SCN10A: variants seen among roughly 807,000 people sequenced by gnomAD.
SCN10A encodes the protein sodium voltage-gated channel alpha subunit 10.
Under a neutral mutation model 170.7 loss-of-function variants are expected in SCN10A, and 162 were observed. The ratio of observed to expected loss-of-function variants is 0.95; its 90% CI spans 0.84 to 1.08. The LOEUF (loss-of-function observed/expected upper bound fraction) is 1.08, where lower values mean the gene tolerates loss of function less well. Ranked by LOEUF, SCN10A falls within the 50% of genes least tolerant of loss-of-function variation. The probability of loss-of-function intolerance (pLI) is 0.00; values close to 1 mark genes in which losing one functional copy is unlikely to be tolerated. For missense variants in SCN10A, 2,527 were observed against 2,436.9 expected (o/e 1.04, Z -0.78); for synonymous variants, 985 against 904.6 (o/e 1.09, Z -1.59).
At chr3:38,756,990 G>A in intron 9 of SCN10A, 28 bp downstream of exon 9, 1 of 1,603,070 alleles carries the variant, frequency 6.2e-7, no homozygotes, top group Non-Finnish European at 8.5e-7. Context: ...CTCCAACCAA[G>A]TCTGCGTGGG....
intron 20 of SCN10A, among the ~76,000 whole-genome samples, chr3:38,719,499 T>C (rs2063367551): frequency 6.8e-6 from 1 of 147,976 alleles, no homozygotes; most frequent in Non-Finnish European, 1.5e-5. Context: ...GTTCACGCCA[T>C]TCTCCTGCCT....
chr3:38,711,502 C>G (rs1359580566), intron 23 of SCN10A, among the ~76,000 whole-genome samples: 2 of 152,160 alleles, frequency 1.3e-5, no homozygotes, highest in Admixed American at 6.5e-5. Flanking sequence ...GTGTCCAAGC[C>G]CAGTTCTGAC....
chr3:38,756,958 G>A lies in SCN10A; in HGVS notation c.1092+60C>T. On this transcript the variant is annotated intron_variant, in intron 9 of 27. Transcript: ENST00000449082. ...GTCAGCCTCCTCCAGGAAAAGCACA[G>A]CCATGCAGCTGACCCACCAGCCTCC... The A allele has an allele frequency of 3.1e-6, 5 of 1,605,334 alleles. No individual in the cohort carries two copies. In the South Asian group the frequency reaches 4.5e-5, roughly 14 times the overall value.
intron 20 of SCN10A, among the ~76,000 whole-genome samples, chr3:38,722,056 A>G (rs1310169729): frequency 3.9e-5 from 6 of 152,228 alleles, no homozygotes; most frequent in Non-Finnish European, 8.8e-5. Context: ...TTGGCAGGCC[A>G]TGGCACGGGC....
At chr3:38,800,687 T>C (rs2064365626) in intron 1 of SCN10A, among the ~76,000 whole-genome samples, 2 of 152,234 alleles carry the variant, frequency 1.3e-5, no homozygotes, top group South Asian at 2.1e-4. Context: ...CTGCCTTTTG[T>C]TGTCAGAATC....
intron 23 of SCN10A, 60 bp from the exon 24 acceptor site, chr3:38,710,957 C>A: frequency 6.9e-7 from 1 of 1,449,210 alleles, no homozygotes; most frequent in Non-Finnish European, 9.6e-7. Context: ...TGGACCCTTC[C>A]CAAGCCATGG....
chr3:38,775,319 G>A (rs1352261228), intron 4 of SCN10A, among the ~76,000 whole-genome samples: 1 of 152,058 alleles, frequency 6.6e-6, no homozygotes, highest in Non-Finnish European at 1.5e-5. Context: ...CCTACTAAAG[G>A]TGGAATCATG....
chr3:38,805,809 G>A lies in SCN10A; in HGVS notation c.-33+10228C>T, dbSNP rs185849413. Among the ~76,000 whole-genome samples the A allele has an allele frequency of 9.8e-4, 149 of 152,264 alleles. 1 individual carries two copies. Among genetic ancestry groups the A allele is most frequent in the African/African-American group, 3.4e-3 (143 of 41,548 alleles). ...TACCTTTGAAGTTGAATAATCCTGA[G>A]TTGCCTCTGATAACAAAGAATGGGG... On this transcript the variant is annotated intron_variant, in intron 1 of 27. Transcript: ENST00000449082.
At chr3:38,729,728 A>G (rs777599790) in intron 15 of SCN10A, among the ~76,000 whole-genome samples, 1 of 152,256 alleles carries the variant, frequency 6.6e-6, no homozygotes, top group Non-Finnish European at 1.5e-5. Context: ...AGGAAAAAAA[A>G]TCTGAGCTCA....
chr3:38,745,108 G>A (rs1314142249), intron 13 of SCN10A, among the ~76,000 whole-genome samples: 2 of 152,230 alleles, frequency 1.3e-5, no homozygotes, highest in Non-Finnish European at 2.9e-5. Flanking sequence ...TTGGCAGGAA[G>A]CAGCCACCTG....
chr3:38,759,699 T>A (rs1037729050), intron 8 of SCN10A, among the ~76,000 whole-genome samples: 2 of 152,236 alleles, frequency 1.3e-5, no homozygotes, highest in African/African-American at 4.8e-5. Context: ...GGAGATTTTA[T>A]ATAAAAATCT....
chr3:38,769,148 C>A (rs1487157178), intron 5 of SCN10A, among the ~76,000 whole-genome samples: 2 of 151,718 alleles, frequency 1.3e-5, no homozygotes, highest in Non-Finnish European at 2.9e-5. Flanking sequence ...AATTTTCCAT[C>A]CATATCTTGT....
intron 21 of SCN10A, among the ~76,000 whole-genome samples, chr3:38,718,189 G>T (rs1261609694): frequency 1.3e-5 from 2 of 152,192 alleles, no homozygotes; most frequent in Admixed American, 1.3e-4. Flanking sequence ...AGAATCTCTG[G>T]GGTAGTGGTG....
chr3:38,753,876 C>T (rs2063774750), intron 11 of SCN10A, among the ~76,000 whole-genome samples: 1 of 152,236 alleles, frequency 6.6e-6, no homozygotes, highest in Non-Finnish European at 1.5e-5. Context: ...AATTCATCCT[C>T]TAACGAGACC....
intron 1 of SCN10A, among the ~76,000 whole-genome samples, chr3:38,813,524 T>C (rs981875182): frequency 2.0e-5 from 3 of 152,186 alleles, no homozygotes; most frequent in African/African-American, 7.2e-5. Flanking sequence ...TCTTGTGACA[T>C]AGGTATTATT....
At chr3:38,712,014 G>A (rs2063279309) in intron 23 of SCN10A, 147 bp downstream of exon 23, 1 of 729,472 alleles carries the variant, frequency 1.4e-6, no homozygotes, top group Non-Finnish European at 2.3e-6. Context: ...GCCTCATGGT[G>A]TAGTCTGTAG....
chr3:38,730,108 C>T (rs1254651409), intron 15 of SCN10A, among the ~76,000 whole-genome samples: 1 of 152,138 alleles, frequency 6.6e-6, no homozygotes, highest in Admixed American at 6.5e-5. Flanking sequence ...CCATGGCCTG[C>T]CGAAGGTTGT....
At chr3:38,788,332 T>C (rs1295508579) in intron 4 of SCN10A, among the ~76,000 whole-genome samples, 2 of 151,976 alleles carry the variant, frequency 1.3e-5, no homozygotes, top group Admixed American at 6.6e-5. Context: ...GGATATGGAA[T>C]GTTTTTGGAA....
intron 4 of SCN10A, among the ~76,000 whole-genome samples, chr3:38,779,138 A>G (rs1282003435): frequency 6.6e-6 from 1 of 152,088 alleles, no homozygotes; most frequent in Non-Finnish European, 1.5e-5. Context: ...ATACATGTGT[A>G]AGGATACTCA....
Sources: allele counts gnomAD v4.1 joint callset (sites outside exome capture counted in the v4.1 genomes callset), GRCh38; gene constraint gnomAD v4.1.1; transcripts MANE v1.5; gene names NCBI Gene and HGNC (gene_info 2026-07-23, HGNC 2026-07-21).